Variants in CPNE4 observed in about 807,000 individuals in gnomAD.
The protein encoded by CPNE4 is copine 4.
Under a neutral mutation model 67.9 loss-of-function variants are expected in CPNE4, and 25 were observed. That is an observed-to-expected ratio of 0.37 (90% CI 0.27 to 0.51). The LOEUF is 0.51. CPNE4 is among the 20% of genes least tolerant of loss of function. The pLI is 0.93. For missense variants in CPNE4, 464 were observed against 690.8 expected (o/e 0.67, Z 3.68); for synonymous variants, 242 against 244.9 (o/e 0.99, Z 0.11).
At chr3:131,903,117 C>A (rs967186357) in intron 2 of CPNE4, among the ~76,000 whole-genome samples, 3 of 152,158 alleles carry the variant, frequency 2.0e-5, no homozygotes, top group Non-Finnish European at 2.9e-5. Flanking sequence ...GTCTTTTGAA[C>A]CTTCTTTCTC....
chr3:132,019,873 C>T (rs2073956811), intron 1 of CPNE4, among the ~76,000 whole-genome samples: 1 of 152,142 alleles, frequency 6.6e-6, no homozygotes, highest in South Asian at 2.1e-4. Context: ...TGCAACATTC[C>T]TGTGTCTATC....
chr3:131,541,798 G>A (rs1303409463), intron 15 of CPNE4, among the ~76,000 whole-genome samples: 1 of 152,030 alleles, frequency 6.6e-6, no homozygotes, highest in Non-Finnish European at 1.5e-5. Flanking sequence ...AGCCTCCCGA[G>A]TAGCTGGGAT....
intron 2 of CPNE4, among the ~76,000 whole-genome samples, chr3:131,834,638 G>T (rs1172010004): frequency 1.3e-5 from 2 of 152,000 alleles, no homozygotes; most frequent in Admixed American, 1.3e-4. Flanking sequence ...ATTCAAGATA[G>T]ATTATGATTT....
intron 1 of CPNE4, among the ~76,000 whole-genome samples, chr3:131,969,815 A>C (rs1386303422): frequency 1.3e-5 from 2 of 152,224 alleles, no homozygotes; most frequent in African/African-American, 4.8e-5. Flanking sequence ...AAACAAAAGC[A>C]TGCACTTTGA....
chr3:131,573,874 ACT>A (rs1937457718), intron 10 of CPNE4, among the ~76,000 whole-genome samples: 1 of 152,018 alleles, frequency 6.6e-6, no homozygotes, highest in South Asian at 2.1e-4. Context: ...AGGAGACCAA[ACT>A]CTAAAATTTG....
chr3:131,548,215 T>C (rs1304674607), intron 14 of CPNE4, among the ~76,000 whole-genome samples: 2 of 152,278 alleles, frequency 1.3e-5, no homozygotes, highest in East Asian at 1.9e-4. Context: ...ACACCAGTTT[T>C]ACAAAAGAAA....
At chr3:131,935,508 A>G (rs1420384051) in intron 1 of CPNE4, among the ~76,000 whole-genome samples, 2 of 152,130 alleles carry the variant, frequency 1.3e-5, no homozygotes, top group Admixed American at 6.6e-5. Flanking sequence ...GAGGAGAGAA[A>G]AAGTTGCTAA....
At chr3:131,595,060 G>T (rs141404584) in intron 7 of CPNE4, among the ~76,000 whole-genome samples, 1 of 152,178 alleles carries the variant, frequency 6.6e-6, no homozygotes, top group East Asian at 1.9e-4. Flanking sequence ...ACACACAAAA[G>T]ATAACAAGTA....
chr3:131,553,453 T>C (rs1582782775), intron 12 of CPNE4, among the ~76,000 whole-genome samples: 1 of 152,080 alleles, frequency 6.6e-6, no homozygotes, highest in East Asian at 1.9e-4. Context: ...CTTGCCCAAG[T>C]GACAGGCTAA....
intron 1 of CPNE4, among the ~76,000 whole-genome samples, chr3:131,941,549 G>A (rs13100383): frequency 0.046 from 7,039 of 151,660 alleles, 229 homozygotes; most frequent in Non-Finnish European, 0.073. Flanking sequence ...GAAAACCAAG[G>A]CCCAAAGAAA....
intron 7 of CPNE4, among the ~76,000 whole-genome samples, chr3:131,593,417 T>G (rs990268296): frequency 6.6e-6 from 1 of 152,214 alleles, no homozygotes; most frequent in African/African-American, 2.4e-5. Context: ...CTGTTCTTGA[T>G]GCTATTGTAA....
At chr3:132,021,372 T>C (rs889789144) in intron 1 of CPNE4, among the ~76,000 whole-genome samples, 14 of 151,902 alleles carry the variant, frequency 9.2e-5, no homozygotes, top group African/African-American at 3.1e-4. Context: ...TAGTTCATAT[T>C]TCAGAATAAT....
intron 3 of CPNE4, among the ~76,000 whole-genome samples, chr3:131,709,359 C>A (rs1345004370): frequency 6.6e-6 from 1 of 152,104 alleles, no homozygotes; most frequent in Non-Finnish European, 1.5e-5. Flanking sequence ...GTCCCACAGC[C>A]TCTAACAGAG....
Position 131,948,985 on chromosome 3 carries a change from G to C in CPNE4, c.-1-43541C>G, listed in dbSNP as rs2071640747. ...TCAGATTAACTGGGTTGGAATGCCAGCTCTGCTATGGTTCAGGTTGCATGA... is the reference window on the plus strand; with the variant it reads ...TCAGATTAACTGGGTTGGAATGCCACCTCTGCTATGGTTCAGGTTGCATGA... On this transcript the variant is annotated intron_variant, in intron 1 of 15. Transcript: ENST00000429747. Among the ~76,000 whole-genome samples, 7 of 152,194 alleles carry C rather than the reference G, an allele frequency of 4.6e-5. No homozygotes were observed. In the South Asian group the frequency reaches 1.5e-3, roughly 32 times the overall value.
At chr3:131,951,655 C>A (rs1356931098) in intron 1 of CPNE4, among the ~76,000 whole-genome samples, 1 of 152,218 alleles carries the variant, frequency 6.6e-6, no homozygotes, top group African/African-American at 2.4e-5. Context: ...CTCACTGCAA[C>A]CTCCCTGCCT....
chr3:131,679,509 GT>G (rs1303189173), intron 6 of CPNE4, among the ~76,000 whole-genome samples: 2 of 152,002 alleles, frequency 1.3e-5, no homozygotes, highest in African/African-American at 4.8e-5. Flanking sequence ...AGTTCTTTCA[GT>G]TGTGATGTTA....
At chr3:131,571,724 T>C (rs1202387092) in intron 10 of CPNE4, among the ~76,000 whole-genome samples, 1 of 151,884 alleles carries the variant, frequency 6.6e-6, no homozygotes, top group Admixed American at 6.6e-5. Flanking sequence ...ATCACCACCA[T>C]CAAACACCCA....
intron 2 of CPNE4, among the ~76,000 whole-genome samples, chr3:131,748,595 A>G (rs2082549436): frequency 1.3e-5 from 2 of 152,048 alleles, no homozygotes; most frequent in African/African-American, 4.8e-5. Context: ...ATAACAAATT[A>G]AATTTCCTTA....
intron 10 of CPNE4, among the ~76,000 whole-genome samples, chr3:131,569,257 A>G (rs1937210013): frequency 6.6e-6 from 1 of 152,018 alleles, no homozygotes; most frequent in Non-Finnish European, 1.5e-5. Flanking sequence ...TCAGTGTTCA[A>G]TCTGGGATGT....
Sources: allele counts gnomAD v4.1 joint callset (sites outside exome capture counted in the v4.1 genomes callset), GRCh38; gene constraint gnomAD v4.1.1; transcripts MANE v1.5; gene names NCBI Gene and HGNC (gene_info 2026-07-23, HGNC 2026-07-21).